The following FAT1 variants were observed in gnomAD, a reference collection of about 807,000 sequenced individuals.
FAT1 encodes the protein protocadherin Fat 1.
A neutral mutation model predicts 329.8 loss-of-function variants in FAT1; 171 were observed. The ratio of observed to expected loss-of-function variants is 0.52; its 90% CI spans 0.46 to 0.59. The LOEUF (loss-of-function observed/expected upper bound fraction) is 0.59, where lower values mean the gene tolerates loss of function less well. Among genes scored for constraint, FAT1 ranks in the 20% least tolerant of loss-of-function variants. The pLI, the probability that FAT1 is intolerant of heterozygous loss-of-function variation, is 0.00. For missense variants in FAT1, 5,672 were observed against 5,774.4 expected (o/e 0.98, Z 0.57); for synonymous variants, 2,233 against 2,228.6 (o/e 1.00, Z -0.06).
chr4:186,617,221 A>T lies in FAT1; in HGVS notation c.8879-20T>A, dbSNP rs2126485850. The T allele has an allele frequency of 6.7e-7, 1 of 1,500,552 alleles. No homozygotes were observed. Among genetic ancestry groups the T allele is most frequent in the Middle Eastern group, 1.8e-4 (1 of 5,674 alleles). The allele number at this position is 1,500,552 out of a possible 1,614,324, so 93.0% of individuals were successfully genotyped here. A position where few individuals can be genotyped will look rare whatever the true frequency, so the allele number is the denominator to read the frequency against. ...CCCCTCCTATTAAATCAATGGAGGA[A>T]GATAATAATCAAATTTGTTGAAAGG... On this transcript the variant is annotated intron_variant, in intron 10 of 26. Transcript: ENST00000441802.
chr4:186,621,354 AC>A lies in FAT1; in HGVS notation c.5231del (p.Gly1744ValfsTer9). On this transcript the variant is annotated frameshift_variant, in exon 10 of 27. Transcript: ENST00000441802. LOFTEE classifies it high-confidence loss of function. The stretch of plus-strand genomic sequence containing the variant: ...CTAGAACCGTTGTATTAGTGGACAA[AC>A]CAGCCATGTTAGTTCCTTGTATTAT... ...TLIIQGTNMA[G>X]LSTNTTVLVH... The A allele has an allele frequency of 6.2e-7, 1 of 1,614,002 alleles. No individual in the cohort carries two copies. Among genetic ancestry groups the A allele is most frequent in the Non-Finnish European group, 8.5e-7 (1 of 1,179,900 alleles).
At chr4:186,662,717 T>C (rs987179849) in intron 3 of FAT1, among the ~76,000 whole-genome samples, 5 of 152,210 alleles carry the variant, frequency 3.3e-5, no homozygotes, top group Non-Finnish European at 4.4e-5. Context: ...ATCACTAATT[T>C]AGGAGCTATT....
chr4:186,620,447 A>G lies in FAT1; in HGVS notation c.6139T>C (p.Phe2047Leu), dbSNP rs775398395. Residue 2047 changes from phenylalanine to leucine, a missense_variant, in exon 10 of 27, where the codon TTT becomes CTT. Phe to Leu is a conservative substitution (Grantham distance 22, BLOSUM62 0). Coordinates refer to ENST00000441802, the MANE Select transcript of FAT1 (RefSeq NM_005245.4). Reference protein sequence around the residue: ...TPFDREQQEAFDVVVEVTEEH... With the variant: ...TPFDREQQEALDVVVEVTEEH... ...TCTGTCACTTCTACAACCACATCAA[A>G]CGCCTCCTGCTGCTCACGATCGAAG... 1.9e-6 allele frequency: 3 copies of G among 1,613,964 alleles called. No individual in the cohort carries two copies. In the South Asian group the frequency reaches 3.3e-5, roughly 18 times the overall value.
At chr4:186,713,993 T>C (rs1023989867) in intron 1 of FAT1, among the ~76,000 whole-genome samples, 1 of 151,796 alleles carries the variant, frequency 6.6e-6, no homozygotes, top group African/African-American at 2.4e-5. Context: ...AACCTGAATC[T>C]TTTTTTTTCT....
At chr4:186,687,937 A>G (rs949700056) in intron 2 of FAT1, among the ~76,000 whole-genome samples, 20 of 152,126 alleles carry the variant, frequency 1.3e-4, no homozygotes, top group African/African-American at 4.8e-4. Context: ...AGTTAGGGGA[A>G]AAGTTCACCA....
chr4:186,618,812 T>C lies in FAT1; in HGVS notation c.7774A>G (p.Asn2592Asp), dbSNP rs770591336. The change falls in exon 10 of 27, where the codon AAT (asparagine) becomes GAT (aspartate). Residue 2592 changes from asparagine to aspartate, a missense_variant. Asn to Asp is a conservative substitution (Grantham distance 23). Around this residue, in one of 2 missense-constraint regions of FAT1, gnomAD observed 3,966 missense variants for 3,915.2 expected, o/e 1.01. Transcript: ENST00000441802. Reference protein sequence around the residue: ...VNVILTDDNDNAPQFRATKYE... With the variant: ...VNVILTDDNDDAPQFRATKYE... The stretch of plus-strand genomic sequence containing the variant: ...TTGGTTGCTCGAAATTGTGGTGCAT[T>C]GTCATTGTCATCTGTAAGGATGACA... 1 of 1,614,014 alleles carries C rather than the reference T, an allele frequency of 6.2e-7. No homozygotes were observed. Among genetic ancestry groups the C allele is most frequent in the Non-Finnish European group, 8.5e-7 (1 of 1,179,880 alleles).
chr4:186,670,753 G>A (rs549552397), intron 2 of FAT1, among the ~76,000 whole-genome samples: 1 of 152,216 alleles, frequency 6.6e-6, no homozygotes, highest in South Asian at 2.1e-4. Context: ...GGTCAATAGT[G>A]AGTGCTTATA....
chr4:186,678,994 C>T (rs1469563624), intron 2 of FAT1, among the ~76,000 whole-genome samples: 1 of 152,088 alleles, frequency 6.6e-6, no homozygotes, highest in African/African-American at 2.4e-5. Flanking sequence ...TACACATACT[C>T]GATGGAATAC....
intron 1 of FAT1, among the ~76,000 whole-genome samples, chr4:186,715,019 A>G (rs892842679): frequency 7.9e-5 from 12 of 152,258 alleles, no homozygotes; most frequent in African/African-American, 2.4e-4. Context: ...CGGAGGTTGC[A>G]CTGAGCTGAG....
intron 14 of FAT1, 59 bp downstream of exon 14, chr4:186,611,327 A>C: frequency 2.0e-6 from 3 of 1,502,108 alleles, no homozygotes; most frequent in South Asian, 2.6e-5. Flanking sequence ...AACGTGGTTA[A>C]GCAAATCTAG....
intron 22 of FAT1, chr4:186,598,576 C>G (rs1261224582): frequency 6.5e-6 from 1 of 153,052 alleles, no homozygotes; most frequent in African/African-American, 2.4e-5. Context: ...GCCACCCAGG[C>G]TGGAGTGCAG....
intron 1 of FAT1, among the ~76,000 whole-genome samples, chr4:186,721,043 A>G (rs1390659169): frequency 6.6e-6 from 1 of 152,230 alleles, no homozygotes; most frequent in Admixed American, 6.5e-5. Context: ...ATGCCAGATC[A>G]GTGTCTGTGT....
chr4:186,602,026 A>G (rs776185500), intron 20 of FAT1, among the ~76,000 whole-genome samples: 48 of 152,216 alleles, frequency 3.2e-4, no homozygotes, highest in Non-Finnish European at 6.3e-4. Context: ...AACCCAGACC[A>G]TCAAACAACA....
intron 2 of FAT1, among the ~76,000 whole-genome samples, chr4:186,686,319 A>G (rs1743468012): frequency 1.3e-5 from 2 of 151,592 alleles, no homozygotes; most frequent in South Asian, 2.1e-4. Context: ...TTATTGGTAA[A>G]TCAGACTCTA....
At position 186,621,466 on chromosome 4, in the gene FAT1, C is replaced by T. The variant is rs2126525532; in HGVS notation, c.5120G>A (p.Gly1707Asp). The change falls in exon 10 of 27, where the codon GGT (glycine) becomes GAT (aspartate). Residue 1707 changes from glycine (G) to aspartate (D), a missense_variant. Gly to Asp is a moderately conservative substitution (Grantham distance 94, BLOSUM62 -1). This residue lies in a region of FAT1 where 3,966 missense variants were observed against 3,915.2 expected (regional missense o/e 1.01). Coordinates refer to ENST00000441802, the MANE Select transcript of FAT1 (RefSeq NM_005245.4). ...VVYEIKDGNT[G>D]DAFDINPHSG... ...ATGTGGATTAATATCAAAAGCATCA[C>T]CTGTATTTCCATCTTTTATTTCATA... 1.2e-6 allele frequency: 2 copies of T among 1,614,010 alleles called. No homozygotes were observed. The highest frequency in any genetic ancestry group is 1.7e-6 in the Non-Finnish European group (2 of 1,179,884).
chr4:186,632,778 T>C (rs370649126), intron 7 of FAT1, among the ~76,000 whole-genome samples: 3 of 152,380 alleles, frequency 2.0e-5, no homozygotes, highest in East Asian at 3.9e-4. Flanking sequence ...TCTGTCTTGC[T>C]TAGTACTTAA....
intron 2 of FAT1, among the ~76,000 whole-genome samples, chr4:186,669,286 A>G (rs1481997289): frequency 6.6e-6 from 1 of 152,162 alleles, no homozygotes; most frequent in African/African-American, 2.4e-5. Flanking sequence ...CAGAGCCGTG[A>G]GAGGGGTGAC....
At chr4:186,702,322 C>T (rs1246825679) in intron 2 of FAT1, among the ~76,000 whole-genome samples, 1 of 152,176 alleles carries the variant, frequency 6.6e-6, no homozygotes, top group East Asian at 1.9e-4. Flanking sequence ...GATTGGGATG[C>T]TAAAAGTAAC....
Position 186,621,714 on chromosome 4 carries a change from T to C in FAT1, c.4872A>G (p.Glu1624=). 1 of 1,613,044 alleles carries C rather than the reference T, an allele frequency of 6.2e-7. No homozygotes were observed. The highest frequency in any genetic ancestry group is 8.5e-7 in the Non-Finnish European group (1 of 1,179,546). The part of the protein sequence containing the change: ...PVLGSIKTAK[E]LDRSNQAEYD... Reference sequence around the variant, plus strand: ...ACTCCGCTTGGTTACTTCGATCTAATTCTTTGGCAGTTTTAATAGAGCCCA... The same window carrying C: ...ACTCCGCTTGGTTACTTCGATCTAACTCTTTGGCAGTTTTAATAGAGCCCA... The change falls in exon 10 of 27, where the codon GAA becomes GAG. Residue 1624 remains glutamate, a synonymous_variant. Transcript: ENST00000441802.
Sources: allele counts gnomAD v4.1 joint callset (sites outside exome capture counted in the v4.1 genomes callset), GRCh38; gene constraint gnomAD v4.1.1; regional missense constraint gnomAD v4.1.1; transcripts MANE v1.5; gene names NCBI Gene and HGNC (gene_info 2026-07-23, HGNC 2026-07-21).